The following SDCCAG8 variants were observed in gnomAD, a reference collection of about 807,000 sequenced individuals.
The protein encoded by SDCCAG8 is serologically defined colon cancer antigen 8.
A neutral mutation model predicts 101.8 loss-of-function variants in SDCCAG8; 74 were observed. The ratio of observed to expected loss-of-function variants is 0.73; its 90% CI spans 0.60 to 0.88. SDCCAG8 has a LOEUF of 0.88. Ranked by LOEUF, SDCCAG8 falls within the 40% of genes least tolerant of loss-of-function variation. SDCCAG8 has a pLI of 0.00. For synonymous variants in SDCCAG8, 281 were observed against 292.9 expected (o/e 0.96, Z 0.41); for missense variants, 787 against 822.6 (o/e 0.96, Z 0.53).
chr1:243,401,245 T>G (rs1347052372), intron 13 of SDCCAG8, among the ~76,000 whole-genome samples: 1 of 152,240 alleles, frequency 6.6e-6, no homozygotes, highest in African/African-American at 2.4e-5. Flanking sequence ...CAGCAATTTT[T>G]ATTAAAGTTT....
At chr1:243,278,810 T>C (rs906801708) in intron 4 of SDCCAG8, among the ~76,000 whole-genome samples, 4 of 152,130 alleles carry the variant, frequency 2.6e-5, no homozygotes, top group African/African-American at 9.7e-5. Context: ...TGAGGAAGGG[T>C]CTTGCTGGAG....
In SDCCAG8 at chr1:243,366,679, G is replaced by A. The variant is rs534338373; in HGVS notation, c.1474-12042G>A. 2.0e-5 allele frequency among the ~76,000 whole-genome samples: 3 copies of A among 151,980 alleles called. No homozygotes were observed. In the South Asian group the frequency reaches 6.2e-4, roughly 32 times the overall value. On this transcript the variant is annotated intron_variant, in intron 12 of 17. Coordinates refer to ENST00000366541, the MANE Select transcript of SDCCAG8 (RefSeq NM_006642.5). ...GCCCAGATGATTGTAAATTTGAGGA[G>A]GAAATGATGTACCTTAGATGTGTCA...
At chr1:243,312,717 A>AT (rs1372122011) in intron 8 of SDCCAG8, among the ~76,000 whole-genome samples, 2 of 151,772 alleles carry the variant, frequency 1.3e-5, no homozygotes, top group African/African-American at 4.8e-5. Flanking sequence ...AAAAAAAAAA[A>AT]AAAAAAAATA....
At chr1:243,374,767 A>G (rs114161683) in intron 12 of SDCCAG8, among the ~76,000 whole-genome samples, 179 of 152,232 alleles carry the variant, frequency 1.2e-3, no homozygotes, top group Non-Finnish European at 1.5e-3. Flanking sequence ...AGAGAACCCT[A>G]AAAGAGCATA....
chr1:243,442,185 A>G (rs1038472187), intron 16 of SDCCAG8, among the ~76,000 whole-genome samples: 1 of 152,166 alleles, frequency 6.6e-6, no homozygotes, highest in Non-Finnish European at 1.5e-5. Flanking sequence ...CTATATCAAC[A>G]GTGTTTCTTG....
intron 4 of SDCCAG8, 42 bp downstream of exon 4, chr1:243,274,698 C>T (rs1478363999): frequency 1.1e-5 from 12 of 1,112,934 alleles, no homozygotes; most frequent in Admixed American, 6.9e-5. Flanking sequence ...TAAATGAAAG[C>T]TTATATTAAC....
At chr1:243,351,529 CAT>C (rs1190769616) in intron 12 of SDCCAG8, among the ~76,000 whole-genome samples, 1 of 152,154 alleles carries the variant, frequency 6.6e-6, no homozygotes, top group Non-Finnish European at 1.5e-5. Context: ...AATCTGGTTC[CAT>C]GTGTGTGATG....
At chr1:243,473,039 G>C (rs1341702284) in intron 16 of SDCCAG8, among the ~76,000 whole-genome samples, 1 of 147,106 alleles carries the variant, frequency 6.8e-6, no homozygotes, top group Non-Finnish European at 1.5e-5. Context: ...TGCTGAACAT[G>C]TTAAGTGCTA....
At chr1:243,344,078 T>C in intron 11 of SDCCAG8, 137 bp from the exon 12 acceptor site, 1 of 718,744 alleles carries the variant, frequency 1.4e-6, no homozygotes, top group South Asian at 1.6e-5. Flanking sequence ...TTGAATAGTC[T>C]AATAGAAAAT....
At chr1:243,276,694 T>C (rs2068601138) in intron 4 of SDCCAG8, among the ~76,000 whole-genome samples, 1 of 152,220 alleles carries the variant, frequency 6.6e-6, no homozygotes, top group Non-Finnish European at 1.5e-5. Context: ...TTATACATTC[T>C]ACGAATTTGA....
intron 13 of SDCCAG8, among the ~76,000 whole-genome samples, chr1:243,405,925 A>G (rs1347355406): frequency 2.0e-5 from 3 of 148,532 alleles, no homozygotes; most frequent in Non-Finnish European, 4.4e-5. Context: ...AAACATTTTA[A>G]TAATAGAATA....
intron 8 of SDCCAG8, 50 bp from the exon 9 acceptor site, chr1:243,316,704 AC>A (rs2073271659): frequency 6.2e-7 from 1 of 1,610,142 alleles, no homozygotes; most frequent in South Asian, 1.1e-5. Context: ...ACTTATGAGG[AC>A]AGGATCGTTT....
intron 16 of SDCCAG8, among the ~76,000 whole-genome samples, chr1:243,440,044 G>T (rs2082426103): frequency 6.6e-6 from 1 of 152,174 alleles, no homozygotes; most frequent in South Asian, 2.1e-4. Context: ...TTAATGATAT[G>T]CAGTTTCCGG....
At chr1:243,364,763 C>T (rs1245409629) in intron 12 of SDCCAG8, among the ~76,000 whole-genome samples, 4 of 151,976 alleles carry the variant, frequency 2.6e-5, no homozygotes, top group African/African-American at 7.3e-5. Context: ...TTCTTTTGTC[C>T]TAGCACCTAT....
chr1:243,481,556 T>C (rs1250655070), intron 16 of SDCCAG8, among the ~76,000 whole-genome samples: 17 of 152,104 alleles, frequency 1.1e-4, no homozygotes, highest in Admixed American at 1.1e-3. Context: ...GAAAAGTGAG[T>C]GCATATTTTA....
At chr1:243,449,686 G>C (rs557392116) in intron 16 of SDCCAG8, among the ~76,000 whole-genome samples, 2 of 152,300 alleles carry the variant, frequency 1.3e-5, no homozygotes, top group Admixed American at 1.3e-4. Context: ...CATAGTGTTA[G>C]TGTTGCATTT....
intron 17 of SDCCAG8, among the ~76,000 whole-genome samples, chr1:243,499,116 C>G (rs1045135912): frequency 1.3e-5 from 2 of 152,184 alleles, no homozygotes; most frequent in African/African-American, 4.8e-5. Context: ...GAACAGTATT[C>G]AATACTTTCT....
intron 4 of SDCCAG8, among the ~76,000 whole-genome samples, chr1:243,276,528 CAT>C (rs767878930): frequency 6.6e-6 from 1 of 152,308 alleles, no homozygotes; most frequent in South Asian, 2.1e-4. Flanking sequence ...ATGGCAAACA[CAT>C]AGAGTCCTGT....
chr1:243,274,215 A>G (rs867466123), intron 3 of SDCCAG8, among the ~76,000 whole-genome samples: 4 of 152,070 alleles, frequency 2.6e-5, no homozygotes, highest in Admixed American at 6.6e-5. Context: ...CATTCTTTTA[A>G]ACAACCAAAT....
Sources: gnomAD v4.1 joint callset for allele counts (sites outside exome capture counted in the v4.1 genomes callset) on GRCh38, gnomAD v4.1.1 for gene constraint, MANE v1.5 for transcripts, NCBI Gene and HGNC (gene_info 2026-07-23, HGNC 2026-07-21) for gene names.